The following SLC25A48 variants were observed in gnomAD, a reference collection of about 807,000 sequenced individuals.
SLC25A48 encodes the protein solute carrier family 25 member 48.
A neutral mutation model predicts 32.2 loss-of-function variants in SLC25A48; 29 were observed. That is an observed-to-expected ratio of 0.90 (90% confidence interval 0.67 to 1.23). SLC25A48 has a LOEUF of 1.23. Ranked by LOEUF, SLC25A48 falls within the 50% of genes most tolerant of loss-of-function variation. SLC25A48 has a pLI of 0.00. For synonymous variants in SLC25A48, 164 were observed against 172.3 expected (o/e 0.95, Z 0.38); for missense variants, 399 against 422.7 (o/e 0.94, Z 0.49).
chr5:135,675,784 C>A (rs1349699403), intron 3 of SLC25A48, among the ~76,000 whole-genome samples: 1 of 151,994 alleles, frequency 6.6e-6, no homozygotes, highest in Non-Finnish European at 1.5e-5. Flanking sequence ...CTGTAGATTG[C>A]TTTGGGCAAT....
chr5:135,883,294 C>T (rs1762602992), intron 7 of SLC25A48: 1 of 985,388 alleles, frequency 1.0e-6, no homozygotes, highest in Non-Finnish European at 1.2e-6. Context: ...CCAACTATTC[C>T]AGCTTTGGAC....
intron 2 of SLC25A48, among the ~76,000 whole-genome samples, chr5:135,848,743 C>A (rs1344997174): frequency 4.6e-5 from 7 of 152,142 alleles, no homozygotes; most frequent in African/African-American, 1.7e-4. Flanking sequence ...AGGCCCCGAA[C>A]AAATATTGGT....
At chr5:135,879,919 G>C (rs1159270961) in intron 6 of SLC25A48, 49 bp from the exon 7 acceptor site, 1 of 1,528,928 alleles carries the variant, frequency 6.5e-7, no homozygotes, top group South Asian at 1.2e-5. Context: ...TGGTGGCCCT[G>C]CAGAGAGTGT....
At chr5:135,706,512 A>G (rs1754511605) in intron 3 of SLC25A48, among the ~76,000 whole-genome samples, 1 of 123,610 alleles carries the variant, frequency 8.1e-6, no homozygotes, top group African/African-American at 2.6e-5. Context: ...CATAAGAAAT[A>G]CTCAATATTT....
At chr5:135,812,884 A>G (rs574225773) in exon 4 of SLC25A48, 2 of 152,442 alleles carry the variant, frequency 1.3e-5, no homozygotes, top group East Asian at 3.9e-4. Context: ...GAGTGAATGA[A>G]GTGATAAAAC....
At chr5:135,735,519 G>T (rs1282986619) in intron 3 of SLC25A48, among the ~76,000 whole-genome samples, 1 of 152,190 alleles carries the variant, frequency 6.6e-6, no homozygotes, top group Non-Finnish European at 1.5e-5. Context: ...CTTTAAGCTT[G>T]TCATAATTAA....
chr5:135,888,253 T>C lies in SLC25A48; in HGVS notation c.*229T>C, dbSNP rs1762804454. ...TTCTGATCCCCAATGCCCACTCTGC[T>C]AGGCTGGCATCAAAGAGCTTTCCAA... On this transcript the variant is annotated 3_prime_UTR_variant, in exon 8 of 8. Coordinates refer to ENST00000681962, the MANE Select transcript of SLC25A48 (RefSeq NM_001349336.2). The C allele has an allele frequency of 1.8e-6, 1 of 550,288 alleles. No individual in the cohort carries two copies. Among genetic ancestry groups the C allele is most frequent in the African/African-American group, 1.9e-5 (1 of 53,212 alleles). The allele number at this position is 550,288 out of a possible 1,614,324, so 34.1% of individuals were successfully genotyped here.
chr5:135,698,826 A>G (rs982375654), intron 3 of SLC25A48, among the ~76,000 whole-genome samples: 5 of 152,256 alleles, frequency 3.3e-5, no homozygotes, highest in African/African-American at 1.2e-4. Context: ...TCCAGAATAT[A>G]TATTTTAAAA....
chr5:135,796,819 C>T (rs905348801), intron 3 of SLC25A48, among the ~76,000 whole-genome samples: 1 of 151,608 alleles, frequency 6.6e-6, no homozygotes, highest in Admixed American at 6.6e-5. Context: ...CCTAATATTG[C>T]ACGGGTGTGT....
chr5:135,735,852 G>T (rs1450973920), intron 3 of SLC25A48, among the ~76,000 whole-genome samples: 2 of 152,180 alleles, frequency 1.3e-5, no homozygotes, highest in African/African-American at 2.4e-5. Flanking sequence ...TGATCTGAGA[G>T]AGGTCTGAAA....
chr5:135,805,605 G>A (rs1311007445), intron 3 of SLC25A48, among the ~76,000 whole-genome samples: 1 of 151,478 alleles, frequency 6.6e-6, no homozygotes, highest in East Asian at 1.9e-4. Context: ...TGTACACACT[G>A]TGATAATATT....
chr5:135,770,046 G>T (rs1756363264), intron 3 of SLC25A48, among the ~76,000 whole-genome samples: 1 of 151,228 alleles, frequency 6.6e-6, no homozygotes, highest in South Asian at 2.1e-4. Context: ...ATATTGAAAG[G>T]AGTGTACAAA....
At chr5:135,868,661 TACACACACACACACATACAC>T (rs893608379) in intron 4 of SLC25A48, among the ~76,000 whole-genome samples, 35 of 126,404 alleles carry the variant, frequency 2.8e-4, no homozygotes, top group African/African-American at 9.3e-4. Context: ...TCTATGTGTA[TACACACACACACACATACAC>T]ACACACACAC....
At chr5:135,580,661 G>A (rs1751211638) in intron 1 of SLC25A48, among the ~76,000 whole-genome samples, 1 of 152,098 alleles carries the variant, frequency 6.6e-6, no homozygotes, top group East Asian at 1.9e-4. Flanking sequence ...TGGCATTTAT[G>A]TTAGTTTTTA....
intron 3 of SLC25A48, among the ~76,000 whole-genome samples, chr5:135,767,347 C>T (rs957956966): frequency 8.6e-5 from 13 of 151,848 alleles, no homozygotes; most frequent in Non-Finnish European, 1.3e-4. Context: ...TTACATGCTT[C>T]GGAATATCTG....
At chr5:135,824,304 G>A (rs560933950) in intron 4 of SLC25A48, 1 of 152,434 alleles carries the variant, frequency 6.6e-6, no homozygotes, top group South Asian at 2.1e-4. Flanking sequence ...GGCTTTGTAA[G>A]ACCCCTCTGG....
At chr5:135,737,752 C>T (rs944188943) in intron 3 of SLC25A48, among the ~76,000 whole-genome samples, 28 of 152,136 alleles carry the variant, frequency 1.8e-4, no homozygotes, top group Non-Finnish European at 4.0e-4. Context: ...TGCAATGACT[C>T]GGATCCAAAG....
chr5:135,668,225 T>TG (rs1561782771), intron 3 of SLC25A48, among the ~76,000 whole-genome samples: 1 of 152,232 alleles, frequency 6.6e-6, no homozygotes, highest in Non-Finnish European at 1.5e-5. Flanking sequence ...TTCATCATAA[T>TG]GACCAAATGA....
At chr5:135,788,663 C>T (rs138557493) in intron 3 of SLC25A48, among the ~76,000 whole-genome samples, 1 of 150,028 alleles carries the variant, frequency 6.7e-6, no homozygotes, top group Non-Finnish European at 1.5e-5. Flanking sequence ...GAGTGTACAC[C>T]CCTCCACCAT....
Sources: allele counts gnomAD v4.1 joint callset (sites outside exome capture counted in the v4.1 genomes callset), GRCh38; gene constraint gnomAD v4.1.1; transcripts MANE v1.5; gene names NCBI Gene and HGNC (gene_info 2026-07-23, HGNC 2026-07-21).